PCGF5: variants seen among roughly 807,000 people sequenced by gnomAD.
The protein encoded by PCGF5 is polycomb group RING finger protein 5.
PCGF5 carries 9 observed loss-of-function variants against 44.3 expected under a neutral mutation model. That is an observed-to-expected ratio of 0.20 (90% CI 0.12 to 0.35). PCGF5 has a LOEUF of 0.35. PCGF5 is among the 10% of genes least tolerant of loss of function. The pLI, the probability that PCGF5 is intolerant of heterozygous loss-of-function variation, is 1.00. For synonymous variants in PCGF5, 95 were observed against 102.5 expected, an observed-to-expected ratio of 0.93 and a Z score of 0.44; for missense variants, 146 against 305.3, an observed-to-expected ratio of 0.48 and a Z score of 3.89.
At chr10:91,178,648 C>T (rs540780916) in intron 1 of PCGF5, among the ~76,000 whole-genome samples, 1 of 152,074 alleles carries the variant, frequency 6.6e-6, no homozygotes, top group Non-Finnish European at 1.5e-5. Flanking sequence ...CTCGGCCTCC[C>T]AAAGTGCTGG....
intron 2 of PCGF5, among the ~76,000 whole-genome samples, chr10:91,223,932 C>A (rs1420593112): frequency 1.3e-5 from 2 of 151,924 alleles, no homozygotes; most frequent in Non-Finnish European, 2.9e-5. Context: ...CTTTAATATA[C>A]CATGGTACTT....
chr10:91,249,430 C>T (rs1283809341), intron 5 of PCGF5, among the ~76,000 whole-genome samples: 2 of 124,820 alleles, frequency 1.6e-5, no homozygotes, highest in Non-Finnish European at 3.4e-5. Flanking sequence ...TGTATAAAAT[C>T]TACACAAAGG....
At chr10:91,225,702 A>T (rs1054332947) in intron 2 of PCGF5, among the ~76,000 whole-genome samples, 36 of 152,180 alleles carry the variant, frequency 2.4e-4, no homozygotes, top group Admixed American at 2.6e-4. Flanking sequence ...AAATATTTAT[A>T]TACAAATAAA....
intron 1 of PCGF5, among the ~76,000 whole-genome samples, chr10:91,199,424 T>G (rs1038697931): frequency 6.6e-6 from 1 of 152,212 alleles, no homozygotes; most frequent in Non-Finnish European, 1.5e-5. Flanking sequence ...GCCAGGCCTT[T>G]ATACTCCAGC....
intron 1 of PCGF5, among the ~76,000 whole-genome samples, chr10:91,171,859 G>A (rs767715199): frequency 3.9e-5 from 6 of 152,078 alleles, no homozygotes; most frequent in Admixed American, 1.3e-4. Flanking sequence ...ATTGGTCTTC[G>A]GGAACTATGA....
upstream of PCGF5, among the ~76,000 whole-genome samples, chr10:91,158,057 TA>T (rs1324940235): frequency 6.6e-6 from 1 of 152,206 alleles, no homozygotes; most frequent in Non-Finnish European, 1.5e-5. Flanking sequence ...TGGTGCCTTT[TA>T]AGAAATGACT....
At chr10:91,212,597 T>C (rs74149088) in intron 1 of PCGF5, among the ~76,000 whole-genome samples, 110 of 152,330 alleles carry the variant, frequency 7.2e-4, no homozygotes, top group African/African-American at 2.6e-3. Context: ...GAATTGAATC[T>C]GAATAAATCA....
chr10:91,258,887 G>C (rs1247397559), intron 6 of PCGF5, among the ~76,000 whole-genome samples: 1 of 152,068 alleles, frequency 6.6e-6, no homozygotes, highest in Non-Finnish European at 1.5e-5. Context: ...GAAAACATTT[G>C]CTAGGAAATA....
At position 91,173,282 on chromosome 10, in the gene PCGF5, C is replaced by T. The variant is rs1254917070; in HGVS notation, c.-184+10201C>T. On this transcript the variant is annotated intron_variant, in intron 1 of 9. Transcript: ENST00000614189. The stretch of plus-strand genomic sequence containing the variant: ...AGGCCCTTGAAGTAAATTATGACAA[C>T]TTTTCTCTTGTTATCCCTGTGATAG... Among the ~76,000 whole-genome samples, 3 of 152,174 alleles carry T rather than the reference C, an allele frequency of 2.0e-5. No individual in the cohort carries two copies. The East Asian group carries it at 5.8e-4, about 29-fold the overall frequency.
chr10:91,206,172 T>C (rs1844345337), intron 1 of PCGF5, among the ~76,000 whole-genome samples: 1 of 152,160 alleles, frequency 6.6e-6, no homozygotes, highest in Non-Finnish European at 1.5e-5. Context: ...AAGTCTGTGC[T>C]TGCCACTAGG....
intron 1 of PCGF5, among the ~76,000 whole-genome samples, chr10:91,184,002 T>C (rs1843870715): frequency 6.6e-6 from 1 of 152,162 alleles, no homozygotes; most frequent in Non-Finnish European, 1.5e-5. Flanking sequence ...TATTTTTTCT[T>C]CGTTTCGACC....
At chr10:91,230,044 A>C (rs900890941) in intron 2 of PCGF5, among the ~76,000 whole-genome samples, 2 of 152,154 alleles carry the variant, frequency 1.3e-5, no homozygotes, top group African/African-American at 4.8e-5. Flanking sequence ...TATTAGTAAT[A>C]ATGTTAAAGT....
upstream of PCGF5, among the ~76,000 whole-genome samples, chr10:91,162,736 C>A (rs1327318151): frequency 1.3e-5 from 2 of 150,416 alleles, no homozygotes; most frequent in Admixed American, 6.6e-5. Flanking sequence ...GGAGGCCTGG[C>A]GGGCGGCGGC....
chr10:91,159,875 A>G (rs947285615), upstream of PCGF5, among the ~76,000 whole-genome samples: 2 of 152,246 alleles, frequency 1.3e-5, no homozygotes, highest in East Asian at 3.8e-4. Context: ...TATCCCAGGT[A>G]TTAAGTCTTT....
chr10:91,195,154 A>G (rs974709783), intron 1 of PCGF5, among the ~76,000 whole-genome samples: 1 of 152,156 alleles, frequency 6.6e-6, no homozygotes, highest in African/African-American at 2.4e-5. Flanking sequence ...GGAGATTAGT[A>G]GAAGAGGGTC....
chr10:91,186,365 T>C (rs1429199813), intron 1 of PCGF5, among the ~76,000 whole-genome samples: 1 of 152,154 alleles, frequency 6.6e-6, no homozygotes, highest in East Asian at 1.9e-4. Flanking sequence ...TCTTAGGTGA[T>C]TAGCAAGCAA....
chr10:91,268,541 CTG>C (rs1457355065), intron 8 of PCGF5, among the ~76,000 whole-genome samples: 3 of 152,108 alleles, frequency 2.0e-5, no homozygotes, highest in Non-Finnish European at 4.4e-5. Flanking sequence ...ATTCTACACA[CTG>C]TGAGTAGATC....
At position 91,163,268 on chromosome 10, in the gene PCGF5, G is replaced by A. The variant is rs557993888; in HGVS notation, c.-184+187G>A. Reference sequence around the variant, plus strand: ...CCTAACCTGACCTCGGTGCGGGCCGGTGGGCGGCGCGGCCGGGCTGGCGGC... The same window carrying A: ...CCTAACCTGACCTCGGTGCGGGCCGATGGGCGGCGCGGCCGGGCTGGCGGC... On this transcript the variant is annotated intron_variant, in intron 1 of 9. Transcript: ENST00000614189. Among the ~76,000 whole-genome samples, 3 of 150,952 alleles carry A rather than the reference G, an allele frequency of 2.0e-5. No homozygotes were observed. In the South Asian group the frequency reaches 6.2e-4, roughly 31 times the overall value.
chr10:91,269,977 G>A (rs1846139605), intron 8 of PCGF5, among the ~76,000 whole-genome samples: 1 of 152,080 alleles, frequency 6.6e-6, no homozygotes, highest in Non-Finnish European at 1.5e-5. Flanking sequence ...TTTCAAATTT[G>A]GGTAAAACTA....
Sources: allele counts gnomAD v4.1 joint callset (sites outside exome capture counted in the v4.1 genomes callset), GRCh38; gene constraint gnomAD v4.1.1; transcripts MANE v1.5; gene names NCBI Gene and HGNC (gene_info 2026-07-23, HGNC 2026-07-21).